Variants in SDC2 observed in about 807,000 individuals in gnomAD.
SDC2 encodes the protein syndecan 2.
In SDC2, 13 loss-of-function variants were observed where a neutral mutation model predicts 22.2. That is an observed-to-expected ratio of 0.59 (90% CI 0.38 to 0.93). SDC2 has a LOEUF of 0.93. SDC2 is among the 40% of genes least tolerant of loss of function. The pLI, the probability that SDC2 is intolerant of heterozygous loss-of-function variation, is 0.00. For missense variants in SDC2, 235 were observed against 246.8 expected (o/e 0.95, Z 0.32); for synonymous variants, 94 against 92.8 (o/e 1.01, Z -0.07).
intron 1 of SDC2, among the ~76,000 whole-genome samples, chr8:96,591,096 C>T (rs976413902): frequency 6.6e-6 from 1 of 152,154 alleles, no homozygotes; most frequent in Non-Finnish European, 1.5e-5. Context: ...TGCCTGGTAG[C>T]ATGACAGATG....
In SDC2 at chr8:96,494,150, C is replaced by A; in HGVS notation, c.-122C>A. The A allele has an allele frequency of 9.7e-7, 1 of 1,031,764 alleles. No homozygotes were observed. Among genetic ancestry groups the A allele is most frequent in the Admixed American group, 2.9e-5 (1 of 34,342 alleles). 63.9% of individuals were successfully genotyped at this position (1,031,764 alleles called of 1,614,324 possible). ...CCGAGCCCGAGTCCCCGAGCCTGAG[C>A]CGCAATCGCTGCGGTACTCTGCTCC... is the stretch of plus-strand genomic sequence containing the variant. On this transcript the variant is annotated 5_prime_UTR_variant, in exon 1 of 5. Coordinates refer to ENST00000302190, the MANE Select transcript of SDC2 (RefSeq NM_002998.4).
intron 1 of SDC2, among the ~76,000 whole-genome samples, chr8:96,515,149 A>T (rs547446047): frequency 6.6e-6 from 1 of 152,182 alleles, no homozygotes; most frequent in Admixed American, 6.5e-5. Context: ...AAAACCAGCT[A>T]GTCTCTGCAG....
At chr8:96,580,220 GAGGTTACCGTGGC>G (rs1307815125) in intron 1 of SDC2, 1 of 194,114 alleles carries the variant, frequency 5.2e-6, no homozygotes, top group Admixed American at 6.5e-5. Context: ...GCATGCCAAA[GAGGTTACCGTGGC>G]AGCTGCAATC....
At chr8:96,567,821 C>A (rs1199680293) in intron 1 of SDC2, among the ~76,000 whole-genome samples, 1 of 152,124 alleles carries the variant, frequency 6.6e-6, no homozygotes, top group African/African-American at 2.4e-5. Flanking sequence ...TGGAGTAACA[C>A]CTCCGTTGAG....
At chr8:96,539,407 C>T (rs1362634001) in intron 1 of SDC2, among the ~76,000 whole-genome samples, 1 of 152,170 alleles carries the variant, frequency 6.6e-6, no homozygotes, top group African/African-American at 2.4e-5. Context: ...GTATAAAGTA[C>T]TGAAGTATTT....
At chr8:96,504,763 A>T (rs568445980) in intron 1 of SDC2, among the ~76,000 whole-genome samples, 32 of 152,300 alleles carry the variant, frequency 2.1e-4, no homozygotes, top group African/African-American at 7.5e-4. Context: ...ATATATTTTC[A>T]CAAATTTAGA....
intron 1 of SDC2, among the ~76,000 whole-genome samples, chr8:96,567,424 G>A (rs575706401): frequency 1.2e-4 from 18 of 152,162 alleles, no homozygotes; most frequent in Non-Finnish European, 2.4e-4. Context: ...CGTGTGTGAC[G>A]AAGTCTAGGA....
intron 1 of SDC2, among the ~76,000 whole-genome samples, chr8:96,566,928 G>T (rs945746300): frequency 6.6e-6 from 1 of 151,950 alleles, no homozygotes; most frequent in Non-Finnish European, 1.5e-5. Flanking sequence ...ATCTCGGCTC[G>T]TTGCAACCTT....
intron 1 of SDC2, among the ~76,000 whole-genome samples, chr8:96,588,508 G>T (rs542437572): frequency 1.3e-5 from 2 of 152,258 alleles, no homozygotes; most frequent in Admixed American, 6.5e-5. Context: ...CATCATAAAA[G>T]TTAATATACA....
At chr8:96,502,384 T>C (rs1221595593) in intron 1 of SDC2, among the ~76,000 whole-genome samples, 1 of 152,194 alleles carries the variant, frequency 6.6e-6, no homozygotes, top group Non-Finnish European at 1.5e-5. Context: ...AGCCAAACCA[T>C]ATCACTAGTA....
rs748150403 is a variant in SDC2, at chr8:96,593,475, C to G, written c.61-5C>G. On this transcript the variant is annotated splice_region_variant and splice_polypyrimidine_tract_variant and intron_variant, in intron 1 of 4. Transcript: ENST00000302190. The stretch of plus-strand genomic sequence containing the variant: ...ATCCTGACTCCCTTGTCTTTCCTTT[C>G]TCAGAGAGCAGAGCTGACATCTGAT... 6.3e-6 allele frequency: 10 copies of G among 1,599,480 alleles called. No homozygotes were observed. The Admixed American group carries it at 1.2e-4, about 19-fold the overall frequency.
intron 1 of SDC2, chr8:96,585,087 T>G (rs1814659225): frequency 6.6e-6 from 1 of 152,220 alleles, no homozygotes; most frequent in African/African-American, 2.4e-5. Context: ...TCCTTGTGGC[T>G]GAGGAGGAAG....
At chr8:96,535,372 T>C (rs1193939707) in intron 1 of SDC2, among the ~76,000 whole-genome samples, 1 of 152,250 alleles carries the variant, frequency 6.6e-6, no homozygotes. Context: ...CTAAAAATTA[T>C]TTGTTTATCT....
At chr8:96,571,498 C>A (rs1039587593) in intron 1 of SDC2, among the ~76,000 whole-genome samples, 2 of 152,150 alleles carry the variant, frequency 1.3e-5, no homozygotes, top group African/African-American at 4.8e-5. Context: ...TTAAACCATG[C>A]GAAATTGCTG....
chr8:96,574,928 G>A (rs1023598508), intron 1 of SDC2, among the ~76,000 whole-genome samples: 5 of 152,146 alleles, frequency 3.3e-5, no homozygotes, highest in South Asian at 2.1e-4. Flanking sequence ...TGATTCAAGC[G>A]CAGTACATTT....
intron 1 of SDC2, among the ~76,000 whole-genome samples, chr8:96,585,575 TGGGGACA>T (rs1331160044): frequency 1.3e-5 from 2 of 152,068 alleles, no homozygotes; most frequent in Non-Finnish European, 2.9e-5. Context: ...TTGTGATGCT[TGGGGACA>T]GGGGAAGGGG....
intron 1 of SDC2, among the ~76,000 whole-genome samples, chr8:96,497,275 G>C (rs73696057): frequency 0.02 from 3,097 of 152,132 alleles, 97 homozygotes; most frequent in African/African-American, 0.071. Context: ...TAGTTTGGCT[G>C]TTTTATGAGT....
At chr8:96,495,868 A>G (rs1813066697) in intron 1 of SDC2, among the ~76,000 whole-genome samples, 1 of 152,198 alleles carries the variant, frequency 6.6e-6, no homozygotes, top group South Asian at 2.1e-4. Flanking sequence ...AGGTTGTAAA[A>G]TAGAACTCCC....
chr8:96,587,121 A>C (rs1814700241), intron 1 of SDC2, among the ~76,000 whole-genome samples: 1 of 152,124 alleles, frequency 6.6e-6, no homozygotes, highest in Non-Finnish European at 1.5e-5. Flanking sequence ...ACGGGGTTTC[A>C]CCGTCTTGGC....
Sources: gnomAD v4.1 joint callset for allele counts (sites outside exome capture counted in the v4.1 genomes callset) on GRCh38, gnomAD v4.1.1 for gene constraint, MANE v1.5 for transcripts, NCBI Gene and HGNC (gene_info 2026-07-23, HGNC 2026-07-21) for gene names.